KIFAP3: variants seen among roughly 807,000 people sequenced by gnomAD.
KIFAP3 encodes the protein kinesin associated protein 3.
KIFAP3 carries 68 observed loss-of-function variants against 106.5 expected under a neutral mutation model. The observed-to-expected ratio is 0.64, with a 90% CI of 0.53 to 0.78. KIFAP3 has a LOEUF of 0.78. KIFAP3 is among the 30% of genes least tolerant of loss of function. KIFAP3 has a pLI of 0.00. For synonymous variants in KIFAP3, 320 were observed against 311.5 expected, an observed-to-expected ratio of 1.03 and a Z score of -0.29; for missense variants, 780 against 941.8, an observed-to-expected ratio of 0.83 and a Z score of 2.25.
Position 170,034,482 on chromosome 1 carries a change from T to C in KIFAP3, c.632A>G (p.His211Arg), listed in dbSNP as rs772309289. 2.7e-6 allele frequency: 4 copies of C among 1,457,130 alleles called. No homozygotes were observed. Among genetic ancestry groups the C allele is most frequent in the African/African-American group, 1.4e-5 (1 of 70,062 alleles). The allele number at this position is 1,457,130 out of a possible 1,614,324, so 90.3% of individuals were successfully genotyped here. Residue 211 changes from histidine (H) to arginine (R), a missense_variant, in exon 7 of 20, where the codon CAT becomes CGT. Around this residue, in one of 3 missense-constraint regions of KIFAP3, gnomAD observed 588 missense variants for 678.9 expected, o/e 0.87. Coordinates refer to ENST00000361580, the MANE Select transcript of KIFAP3 (RefSeq NM_014970.4). ...AATTTTATAGTGAGTAATAAGTCCA[T>C]GAAATTGAGAAAAGCTTTAAAGAAG... ...FFCFSSFSQFHGLITHYKIGA... is the reference protein window; with the variant it reads ...FFCFSSFSQFRGLITHYKIGA...
chr1:170,012,582 T>G (rs1438042812), intron 10 of KIFAP3, among the ~76,000 whole-genome samples: 1 of 152,148 alleles, frequency 6.6e-6, no homozygotes, highest in Non-Finnish European at 1.5e-5. Context: ...TGAATGTCTA[T>G]GTTCCCCCAA....
chr1:169,959,183 G>A (rs1665186447), intron 18 of KIFAP3, among the ~76,000 whole-genome samples: 1 of 152,098 alleles, frequency 6.6e-6, no homozygotes, highest in Non-Finnish European at 1.5e-5. Context: ...AAATCTGCAG[G>A]AGTACAAATT....
chr1:170,074,815 G>GT, upstream of KIFAP3: 1 of 1,132,960 alleles, frequency 8.8e-7, no homozygotes. Flanking sequence ...TTTTGGTGCA[G>GT]TTTTGAGCGT....
intron 17 of KIFAP3, among the ~76,000 whole-genome samples, chr1:169,970,320 T>C (rs1665846367): frequency 6.6e-6 from 1 of 152,048 alleles, no homozygotes; most frequent in Non-Finnish European, 1.5e-5. Context: ...AAACAAGTGA[T>C]GTAATCCTCC....
At chr1:170,017,941 C>T (rs891732985) in intron 9 of KIFAP3, among the ~76,000 whole-genome samples, 14 of 152,202 alleles carry the variant, frequency 9.2e-5, no homozygotes, top group Non-Finnish European at 1.6e-4. Flanking sequence ...ATTTAAAAAT[C>T]ATATACAACT....
At chr1:169,947,566 A>G (rs902695456) in intron 19 of KIFAP3, among the ~76,000 whole-genome samples, 2 of 151,912 alleles carry the variant, frequency 1.3e-5, no homozygotes, top group African/African-American at 2.4e-5. Flanking sequence ...TATTTTTTTA[A>G]TATTATACTA....
intron 1 of KIFAP3, among the ~76,000 whole-genome samples, chr1:170,084,536 A>G (rs969193698): frequency 6.6e-6 from 1 of 152,246 alleles, no homozygotes; most frequent in African/African-American, 2.4e-5. Context: ...ATGCTGGCAC[A>G]AAAGGGAATA....
rs552011851 is a variant in KIFAP3 at position 169,926,576 on chromosome 1, A to G, written c.2274-4795T>C. 3.9e-5 allele frequency among the ~76,000 whole-genome samples: 6 copies of G among 152,150 alleles called. No homozygotes were observed. The East Asian group carries it at 1.2e-3, about 29-fold the overall frequency. On this transcript the variant is annotated intron_variant, in intron 19 of 19. Coordinates refer to ENST00000361580, the MANE Select transcript of KIFAP3 (RefSeq NM_014970.4). The stretch of plus-strand genomic sequence containing the variant: ...TGACTGCTTATAATTGACTGTGTAT[A>G]TATGTGTATATATATATAACATTGA...
chr1:170,079,032 G>T (rs1253504256), upstream of KIFAP3, among the ~76,000 whole-genome samples: 2 of 152,170 alleles, frequency 1.3e-5, no homozygotes, highest in Non-Finnish European at 1.5e-5. Flanking sequence ...TATATAGTTT[G>T]CATACTTGAC....
chr1:169,973,347 T>C (rs1030555615), intron 16 of KIFAP3, among the ~76,000 whole-genome samples: 5 of 149,238 alleles, frequency 3.4e-5, no homozygotes, highest in Non-Finnish European at 6.0e-5. Flanking sequence ...GATATTAGAC[T>C]AAGAAGATCC....
chr1:169,949,441 A>AT (rs1165869582), intron 19 of KIFAP3, among the ~76,000 whole-genome samples: 2 of 152,034 alleles, frequency 1.3e-5, no homozygotes, highest in African/African-American at 2.4e-5. Flanking sequence ...AGTCTCTGCA[A>AT]TTTTTTTTCC....
chr1:169,986,379 T>C (rs1436487356), intron 11 of KIFAP3, among the ~76,000 whole-genome samples: 1 of 151,954 alleles, frequency 6.6e-6, no homozygotes, highest in Non-Finnish European at 1.5e-5. Context: ...CACTGATCTG[T>C]ATGCTGAAAA....
intron 19 of KIFAP3, among the ~76,000 whole-genome samples, chr1:169,946,036 G>C (rs989720941): frequency 1.3e-5 from 2 of 152,084 alleles, no homozygotes; most frequent in Non-Finnish European, 2.9e-5. Flanking sequence ...AAACAAATAA[G>C]AGAAATCAGA....
rs1030007475 is a variant in KIFAP3, at chr1:169,921,329, T to C, written c.*347A>G. 1 of 163,064 alleles carries C rather than the reference T, an allele frequency of 6.1e-6. No individual in the cohort carries two copies. Among genetic ancestry groups the C allele is most frequent in the Non-Finnish European group, 1.3e-5 (1 of 74,742 alleles). 10.1% of individuals were successfully genotyped at this position (163,064 alleles called of 1,614,324 possible). Reference sequence around the variant, plus strand: ...AATATAAACACATGACTTTCACTTATTCATTTTCACTTTACGCTTTTTAAT... The same window carrying C: ...AATATAAACACATGACTTTCACTTACTCATTTTCACTTTACGCTTTTTAAT... On this transcript the variant is annotated 3_prime_UTR_variant, in exon 20 of 20. Transcript: ENST00000361580.
intron 11 of KIFAP3, among the ~76,000 whole-genome samples, chr1:169,988,175 T>C (rs1214407542): frequency 6.6e-6 from 1 of 152,068 alleles, no homozygotes; most frequent in Non-Finnish European, 1.5e-5. Flanking sequence ...GGATGCTAAA[T>C]ATTTTCTAAA....
chr1:169,973,557 T>C (rs1666058480), intron 16 of KIFAP3, among the ~76,000 whole-genome samples: 1 of 151,370 alleles, frequency 6.6e-6, no homozygotes, highest in Admixed American at 6.6e-5. Context: ...AATACTTCTT[T>C]GGTCTTTCTG....
At position 169,995,461 on chromosome 1, in the gene KIFAP3, C is replaced by T. The variant is rs147357010; in HGVS notation, c.1184-3206G>A. ...TCTGTCATTCAGCTGTGGATAAGTC[C>T]TAGTCTTACTTAATTTTTAAAAAAT... On this transcript the variant is annotated intron_variant, in intron 10 of 19. Coordinates refer to ENST00000361580, the MANE Select transcript of KIFAP3 (RefSeq NM_014970.4). Among the ~76,000 whole-genome samples the T allele has an allele frequency of 4.8e-3, 733 of 152,076 alleles. 5 individuals carry two copies. Among genetic ancestry groups the T allele is most frequent in the African/African-American group, 0.016 (681 of 41,508 alleles).
intron 9 of KIFAP3, among the ~76,000 whole-genome samples, chr1:170,020,684 G>A (rs11578487): frequency 9.9e-5 from 15 of 151,958 alleles, no homozygotes; most frequent in Non-Finnish European, 2.1e-4. Context: ...TCCTGACCTC[G>A]TGATCCATGC....
intron 18 of KIFAP3, among the ~76,000 whole-genome samples, chr1:169,956,589 T>C (rs1187025551): frequency 6.7e-6 from 1 of 148,700 alleles, no homozygotes; most frequent in Non-Finnish European, 1.5e-5. Context: ...AAAAAAAGAG[T>C]AAATTTATAC....
Sources: gnomAD v4.1 joint callset for allele counts (sites outside exome capture counted in the v4.1 genomes callset) on GRCh38, gnomAD v4.1.1 for gene constraint, gnomAD v4.1.1 regional missense constraint, MANE v1.5 for transcripts, NCBI Gene and HGNC (gene_info 2026-07-23, HGNC 2026-07-21) for gene names.